The following GSTCD variants were observed in gnomAD, a reference collection of about 807,000 sequenced individuals.
The protein encoded by GSTCD is glutathione S-transferase C-terminal domain-containing protein.
A neutral mutation model predicts 68.3 loss-of-function variants in GSTCD; 44 were observed. That is an observed-to-expected ratio of 0.64 (90% CI 0.51 to 0.83). The LOEUF is 0.83. Ranked by LOEUF, GSTCD falls within the 40% of genes least tolerant of loss-of-function variation. The pLI, the probability that GSTCD is intolerant of heterozygous loss-of-function variation, is 0.00. For synonymous variants in GSTCD, 273 were observed against 255.2 expected (o/e 1.07, Z -0.67); for missense variants, 739 against 735.9 (o/e 1.00, Z -0.05).
rs1222938723 is a variant in GSTCD, at chr4:105,837,863, C to A, written c.1669C>A (p.Gln557Lys). The A allele has an allele frequency of 1.8e-6, 2 of 1,088,112 alleles. No individual in the cohort carries two copies. The highest frequency in any genetic ancestry group is 2.5e-5 in the Admixed American group (1 of 40,190). 67.4% of individuals were successfully genotyped at this position (1,088,112 alleles called of 1,614,324 possible). A position where few individuals can be genotyped will look rare whatever the true frequency, so the allele number is the denominator to read the frequency against. ...TTCCTTTTTTTTCTATTTCAGTGAA[C>A]AATTCAAGAAAACTTTATCATACAA... Reference protein sequence around the residue: ...TSKFNFPKSEQFKKTLSYKEH... With the variant: ...TSKFNFPKSEKFKKTLSYKEH... Residue 557 changes from glutamine (Q) to lysine (K), a missense_variant, in exon 10 of 12, where the codon CAA (glutamine) becomes AAA (lysine). Transcript: ENST00000515279.
In GSTCD at chr4:105,818,894, A is replaced by T. The variant is rs567241368; in HGVS notation, c.1241-4060A>T. Among the ~76,000 whole-genome samples the T allele has an allele frequency of 3.9e-5, 6 of 151,916 alleles. No homozygotes were observed. The East Asian group carries it at 1.2e-3, about 29-fold the overall frequency. On this transcript the variant is annotated intron_variant, in intron 5 of 11. Transcript: ENST00000515279. ...AATCACTTAATGGCAGAGAGCATCA[A>T]TTGGGGTTCAATGCTCCAGATAATT...
In GSTCD at chr4:105,776,625, G is replaced by T. The variant is rs1196296502; in HGVS notation, c.1241-46329G>T. Among the ~76,000 whole-genome samples, 3 of 152,084 alleles carry T rather than the reference G, an allele frequency of 2.0e-5. No homozygotes were observed. In the East Asian group the frequency reaches 5.8e-4, roughly 29 times the overall value. ...TGACACCTTGCACTTCATCGGTGAG[G>T]CAATGCCCCACCCTGCTTCAACTCA... On this transcript the variant is annotated intron_variant, in intron 5 of 11. Coordinates refer to ENST00000515279, the MANE Select transcript of GSTCD (RefSeq NM_001370181.1).
intron 8 of GSTCD, 132 bp downstream of exon 8, chr4:105,825,932 A>G: frequency 2.1e-6 from 1 of 479,542 alleles, no homozygotes; most frequent in South Asian, 2.7e-5. Context: ...TATATTATCT[A>G]TGAAATATAG....
chr4:105,738,638 TG>T (rs1182954525), intron 5 of GSTCD, among the ~76,000 whole-genome samples: 1 of 152,192 alleles, frequency 6.6e-6, no homozygotes, highest in Admixed American at 6.5e-5. Flanking sequence ...TTGTCTTGTT[TG>T]TTGTTCCTGT....
chr4:105,776,396 T>C (rs1421213989), intron 5 of GSTCD, among the ~76,000 whole-genome samples: 1 of 152,122 alleles, frequency 6.6e-6, no homozygotes, highest in African/African-American at 2.4e-5. Context: ...GAAAAAAAAC[T>C]CCTGCAGCTA....
chr4:105,774,404 C>T (rs751822640), intron 5 of GSTCD, among the ~76,000 whole-genome samples: 9 of 152,136 alleles, frequency 5.9e-5, no homozygotes, highest in East Asian at 1.9e-4. Context: ...TGATGCAAGC[C>T]GGTTATTTTG....
chr4:105,759,494 A>C (rs1734320284), intron 5 of GSTCD, among the ~76,000 whole-genome samples: 2 of 152,244 alleles, frequency 1.3e-5, no homozygotes, highest in South Asian at 4.1e-4. Context: ...TCAACAAAGG[A>C]GATGCCCTTA....
intron 5 of GSTCD, among the ~76,000 whole-genome samples, chr4:105,817,432 C>T (rs999405207): frequency 6.6e-6 from 1 of 151,650 alleles, no homozygotes; most frequent in African/African-American, 2.4e-5. Flanking sequence ...AGTAAAAATG[C>T]CATCACACTG....
In GSTCD at chr4:105,749,274, A is replaced by G. The variant is rs982173372; in HGVS notation, c.1240+19775A>G. On this transcript the variant is annotated intron_variant, in intron 5 of 11. Transcript: ENST00000515279. ...GGTTTTTAAAAATTTCACGTGAAGTAACACATAAAATAATTTAATCAAATC... is the reference window on the plus strand; with the variant it reads ...GGTTTTTAAAAATTTCACGTGAAGTGACACATAAAATAATTTAATCAAATC... Among the ~76,000 whole-genome samples the G allele has an allele frequency of 9.9e-5, 15 of 152,124 alleles. No individual in the cohort carries two copies. The South Asian group carries it at 3.1e-3, about 32-fold the overall frequency.
At chr4:105,780,206 T>C (rs1050513302) in intron 5 of GSTCD, among the ~76,000 whole-genome samples, 8 of 152,210 alleles carry the variant, frequency 5.3e-5, no homozygotes, top group African/African-American at 1.9e-4. Context: ...CAGTTGCCTA[T>C]GACTTATTAC....
chr4:105,709,259 C>T (rs1267972842), intron 1 of GSTCD: 1 of 152,302 alleles, frequency 6.6e-6, no homozygotes, highest in African/African-American at 2.4e-5. Flanking sequence ...CCAGTTTCCC[C>T]CTAGCCAGTC....
At chr4:105,804,974 G>A (rs1195146078) in intron 5 of GSTCD, among the ~76,000 whole-genome samples, 2 of 151,864 alleles carry the variant, frequency 1.3e-5, no homozygotes, top group East Asian at 1.9e-4. Context: ...ACATGGTCTC[G>A]TTCCTTTTTT....
Position 105,766,887 on chromosome 4 carries a change from CTTTTTTTT to C in GSTCD, c.1240+37406_1240+37413del. 7.7e-4 allele frequency among the ~76,000 whole-genome samples: 44 copies of C among 57,128 alleles called. 1 individual carries two copies. The highest frequency in any genetic ancestry group is 1.4e-3 in the Admixed American group (6 of 4,438). 37.5% of individuals were successfully genotyped at this position (57,128 alleles called of 152,430 possible). On this transcript the variant is annotated intron_variant, in intron 5 of 11. Coordinates refer to ENST00000515279, the MANE Select transcript of GSTCD (RefSeq NM_001370181.1). ...CAAAAGCATGAATAGGTTTTTGACTCTTTTTTTTTTTTTTTTTTTTTTTTTACCAGATT... is the reference window on the plus strand; with the variant it reads ...CAAAAGCATGAATAGGTTTTTGACTCTTTTTTTTTTTTTTTTTACCAGATT...
chr4:105,806,311 T>C (rs1037755499), intron 5 of GSTCD, among the ~76,000 whole-genome samples: 2 of 152,060 alleles, frequency 1.3e-5, no homozygotes, highest in African/African-American at 4.8e-5. Context: ...ATATGGAAAA[T>C]GGAGGACAAA....
chr4:105,816,620 CT>C lies in GSTCD; in HGVS notation c.1241-6333del, dbSNP rs535778275. 1.8e-3 allele frequency among the ~76,000 whole-genome samples: 267 copies of C among 152,092 alleles called. 1 individual carries two copies. The highest frequency in any genetic ancestry group is 3.1e-3 in the Non-Finnish European group (209 of 67,918). On this transcript the variant is annotated intron_variant, in intron 5 of 11. Coordinates refer to ENST00000515279, the MANE Select transcript of GSTCD (RefSeq NM_001370181.1). Reference sequence around the variant, plus strand: ...TGACTCTGAATAATTAAATTTTTCCCTAAGATATAATTACTAGGGAATCACT... The same window carrying C: ...TGACTCTGAATAATTAAATTTTTCCCAAGATATAATTACTAGGGAATCACT...
chr4:105,767,195 T>C (rs1337020059), intron 5 of GSTCD, among the ~76,000 whole-genome samples: 1 of 152,092 alleles, frequency 6.6e-6, no homozygotes, highest in Non-Finnish European at 1.5e-5. Flanking sequence ...TTTATTTGAA[T>C]AGGGTTTGAA....
intron 5 of GSTCD, among the ~76,000 whole-genome samples, chr4:105,777,148 A>T (rs1251788294): frequency 2.0e-5 from 3 of 152,258 alleles, no homozygotes; most frequent in East Asian, 3.8e-4. Flanking sequence ...TCTACTTAGT[A>T]AACAAAAATA....
intron 5 of GSTCD, among the ~76,000 whole-genome samples, chr4:105,774,036 G>T (rs1204835763): frequency 6.6e-6 from 1 of 152,104 alleles, no homozygotes; most frequent in African/African-American, 2.4e-5. Flanking sequence ...AATCTGGGGT[G>T]CTCCTGTATT....
chr4:105,734,149 C>T (rs1578419934), intron 5 of GSTCD, among the ~76,000 whole-genome samples: 2 of 152,300 alleles, frequency 1.3e-5, no homozygotes, highest in East Asian at 3.9e-4. Context: ...TTTGGTGAAT[C>T]TGACAATTAT....
Sources: allele counts gnomAD v4.1 joint callset (sites outside exome capture counted in the v4.1 genomes callset), GRCh38; gene constraint gnomAD v4.1.1; transcripts MANE v1.5; gene names NCBI Gene and HGNC (gene_info 2026-07-23, HGNC 2026-07-21).